KCNIP4: variants seen among roughly 807,000 people sequenced by gnomAD.
The protein encoded by KCNIP4 is potassium voltage-gated channel interacting protein 4.
Under a neutral mutation model 34.0 loss-of-function variants are expected in KCNIP4, and 12 were observed. That is an observed-to-expected ratio of 0.35 (90% CI 0.23 to 0.57). The LOEUF (loss-of-function observed/expected upper bound fraction) is 0.57. KCNIP4 is among the 20% of genes least tolerant of loss of function. The pLI, the probability that KCNIP4 is intolerant of heterozygous loss-of-function variation, is 0.83. For missense variants in KCNIP4, 238 were observed against 311.7 expected (o/e 0.76, Z 1.78); for synonymous variants, 124 against 102.2 (o/e 1.21, Z -1.29).
At chr4:21,026,452 G>A (rs1740566645) in intron 1 of KCNIP4, among the ~76,000 whole-genome samples, 1 of 152,124 alleles carries the variant, frequency 6.6e-6, no homozygotes, top group African/African-American at 2.4e-5. Context: ...CCAGGAGTTT[G>A]AGACCAGCTG....
intron 1 of KCNIP4, among the ~76,000 whole-genome samples, chr4:21,931,545 T>G (rs1009832557): frequency 5.3e-5 from 8 of 151,680 alleles, no homozygotes; most frequent in Non-Finnish European, 1.0e-4. Flanking sequence ...TGGGATAGTC[T>G]GCTGAGAATG....
chr4:21,186,491 C>A (rs551440035), intron 1 of KCNIP4, among the ~76,000 whole-genome samples: 1 of 152,160 alleles, frequency 6.6e-6, no homozygotes, highest in Non-Finnish European at 1.5e-5. Context: ...AGTATGTCAC[C>A]TTTTCAAGCA....
intron 1 of KCNIP4, among the ~76,000 whole-genome samples, chr4:20,972,803 C>T (rs1005686595): frequency 6.6e-6 from 1 of 152,124 alleles, no homozygotes; most frequent in Admixed American, 6.5e-5. Context: ...GACTTCAACT[C>T]TCATGAATGA....
intron 1 of KCNIP4, among the ~76,000 whole-genome samples, chr4:21,663,348 G>T (rs906715405): frequency 1.3e-5 from 2 of 150,010 alleles, no homozygotes; most frequent in Admixed American, 6.6e-5. Flanking sequence ...AGGATTGTCT[G>T]CTTACTGTGA....
At chr4:21,888,426 T>C (rs370671256) in intron 1 of KCNIP4, among the ~76,000 whole-genome samples, 1 of 152,036 alleles carries the variant, frequency 6.6e-6, no homozygotes, top group African/African-American at 2.4e-5. Flanking sequence ...ACGATTCAGA[T>C]GCAATAAAAA....
intron 1 of KCNIP4, among the ~76,000 whole-genome samples, chr4:21,794,897 C>T (rs1720525221): frequency 1.3e-5 from 2 of 151,970 alleles, no homozygotes; most frequent in African/African-American, 2.4e-5. Context: ...AACCAAAAAA[C>T]GAACAAACAA....
intron 2 of KCNIP4, among the ~76,000 whole-genome samples, chr4:20,866,264 G>C (rs1045432182): frequency 3.3e-5 from 5 of 151,884 alleles, no homozygotes; most frequent in African/African-American, 1.2e-4. Context: ...CTCAAGAAAA[G>C]ACTAGCATAT....
intron 1 of KCNIP4, among the ~76,000 whole-genome samples, chr4:21,324,872 T>A (rs1351012571): frequency 6.6e-6 from 1 of 151,984 alleles, no homozygotes; most frequent in African/African-American, 2.4e-5. Context: ...TTAATAATAT[T>A]GTTTTTTCAA....
intron 5 of KCNIP4, among the ~76,000 whole-genome samples, chr4:20,742,115 A>T (rs983807900): frequency 1.3e-5 from 2 of 152,210 alleles, no homozygotes; most frequent in African/African-American, 4.8e-5. Flanking sequence ...GACCAGATGG[A>T]TTCACAGCTG....
intron 1 of KCNIP4, among the ~76,000 whole-genome samples, chr4:21,534,894 C>A (rs958224692): frequency 6.6e-6 from 1 of 152,098 alleles, no homozygotes; most frequent in Non-Finnish European, 1.5e-5. Context: ...CATCGTAGGG[C>A]TTTGAAACAT....
chr4:21,697,758 C>A, intron 1 of KCNIP4: 2 of 887,074 alleles, frequency 2.3e-6, no homozygotes, highest in Admixed American at 5.3e-5. Context: ...CTCGGCATCC[C>A]CTCTCCAGAA....
chr4:21,798,797 C>T (rs557941243), intron 1 of KCNIP4, among the ~76,000 whole-genome samples: 7 of 151,644 alleles, frequency 4.6e-5, no homozygotes, highest in African/African-American at 1.4e-4. Context: ...GCATATGAAA[C>T]AAAAAAGGTA....
chr4:21,712,849 A>C (rs1253339871), intron 1 of KCNIP4, among the ~76,000 whole-genome samples: 1 of 152,148 alleles, frequency 6.6e-6, no homozygotes, highest in Non-Finnish European at 1.5e-5. Flanking sequence ...TTTTATTTCT[A>C]AGCATGATTC....
rs1553875537 is a variant in KCNIP4 at position 21,396,557 on chromosome 4, A to AAAAAAATAAAAAT, written c.62-513849_62-513848insATTTTTATTTTTT. Among the ~76,000 whole-genome samples the AAAAAAATAAAAAT allele has an allele frequency of 3.6e-4, 54 of 149,202 alleles. 5 individuals carry two copies. The highest frequency in any genetic ancestry group is 5.5e-4 in the Non-Finnish European group (37 of 66,956). ...GTGACAGAGCAAGACTCCAAAAAAA[A>AAAAAAATAAAAAT]AAAAAAAAAAAGAGGATTCTGATAT... On this transcript the variant is annotated intron_variant, in intron 1 of 8. Coordinates refer to ENST00000382152, the MANE Select transcript of KCNIP4 (RefSeq NM_025221.6).
intron 1 of KCNIP4, among the ~76,000 whole-genome samples, chr4:21,424,198 T>C (rs1193100322): frequency 6.6e-6 from 1 of 151,938 alleles, no homozygotes; most frequent in East Asian, 1.9e-4. Flanking sequence ...TAAAAGCACA[T>C]TTACCTTTTG....
intron 5 of KCNIP4, among the ~76,000 whole-genome samples, chr4:20,747,236 T>C (rs886353836): frequency 6.6e-6 from 1 of 152,176 alleles, no homozygotes; most frequent in African/African-American, 2.4e-5. Flanking sequence ...TAATGTGCCC[T>C]AGGAAATTGG....
At chr4:21,203,142 C>T (rs770030859) in intron 1 of KCNIP4, among the ~76,000 whole-genome samples, 23 of 152,216 alleles carry the variant, frequency 1.5e-4, no homozygotes, top group Non-Finnish European at 3.1e-4. Flanking sequence ...GAAAAATTGG[C>T]TTGTGCCACC....
At chr4:20,762,293 T>C (rs1755019902) in intron 3 of KCNIP4, among the ~76,000 whole-genome samples, 1 of 152,114 alleles carries the variant, frequency 6.6e-6, no homozygotes. Flanking sequence ...GATCTAATCA[T>C]CTCCCAAAGG....
chr4:21,888,558 G>A (rs1247546803), intron 1 of KCNIP4, among the ~76,000 whole-genome samples: 1 of 152,070 alleles, frequency 6.6e-6, no homozygotes, highest in Non-Finnish European at 1.5e-5. Flanking sequence ...GACACATAAG[G>A]GTGATTAGGA....
Sources: gnomAD v4.1 joint callset for allele counts (sites outside exome capture counted in the v4.1 genomes callset) on GRCh38, gnomAD v4.1.1 for gene constraint, MANE v1.5 for transcripts, NCBI Gene and HGNC (gene_info 2026-07-23, HGNC 2026-07-21) for gene names.